NLGN1: variants seen among roughly 807,000 people sequenced by gnomAD.
The protein encoded by NLGN1 is neuroligin 1, also known as neuroligin-1.
A neutral mutation model predicts 65.5 loss-of-function variants in NLGN1; 12 were observed. The ratio of observed to expected loss-of-function variants is 0.18; its 90% CI spans 0.12 to 0.30. The LOEUF (loss-of-function observed/expected upper bound fraction) is 0.30. Among genes scored for constraint, NLGN1 ranks in the 10% least tolerant of loss-of-function variants. The pLI is 1.00. For missense variants in NLGN1, 750 were observed against 1,007.1 expected (o/e 0.74, Z 3.46); for synonymous variants, 350 against 359.5 (o/e 0.97, Z 0.30).
chr3:173,818,998 C>A (rs1032423191), intron 4 of NLGN1, among the ~76,000 whole-genome samples: 3 of 140,062 alleles, frequency 2.1e-5, no homozygotes, highest in African/African-American at 8.0e-5. Context: ...TACTGATTTG[C>A]CTTTAAAATA....
intron 2 of NLGN1, among the ~76,000 whole-genome samples, chr3:173,443,938 C>A (rs1010822807): frequency 3.9e-4 from 59 of 152,110 alleles, no homozygotes; most frequent in Non-Finnish European, 3.7e-4. Flanking sequence ...AACATGCATT[C>A]TTGGATAATA....
intron 4 of NLGN1, among the ~76,000 whole-genome samples, chr3:173,864,433 G>A (rs1015933580): frequency 6.6e-6 from 1 of 152,040 alleles, no homozygotes; most frequent in African/African-American, 2.4e-5. Flanking sequence ...TTTATCATAA[G>A]ACAATTTTTA....
chr3:174,246,744 T>A (rs1323933247), intron 4 of NLGN1, among the ~76,000 whole-genome samples: 1 of 25,438 alleles, frequency 3.9e-5, no homozygotes, highest in Non-Finnish European at 7.3e-5. Flanking sequence ...AATAAAGCTA[T>A]TTTTTTTTTT....
chr3:174,189,732 C>T (rs1478707117), intron 4 of NLGN1, among the ~76,000 whole-genome samples: 1 of 150,932 alleles, frequency 6.6e-6, no homozygotes, highest in Non-Finnish European at 1.5e-5. Flanking sequence ...CTCTATATCC[C>T]TAATGTAATA....
intron 4 of NLGN1, among the ~76,000 whole-genome samples, chr3:173,936,227 A>G (rs976280376): frequency 6.6e-6 from 1 of 151,888 alleles, no homozygotes; most frequent in South Asian, 2.1e-4. Context: ...TAGTTTATAA[A>G]TTCAGTCTCT....
chr3:174,186,530 C>T (rs1314995131), intron 4 of NLGN1, among the ~76,000 whole-genome samples: 2 of 151,992 alleles, frequency 1.3e-5, no homozygotes, highest in Non-Finnish European at 2.9e-5. Context: ...CATTCTGATA[C>T]ATCAGAGTCT....
chr3:173,720,587 A>G lies in NLGN1; in HGVS notation c.494-87093A>G, dbSNP rs572594587. 7.9e-5 allele frequency among the ~76,000 whole-genome samples: 12 copies of G among 152,360 alleles called. No homozygotes were observed. In the South Asian group the frequency reaches 2.5e-3, roughly 32 times the overall value. On this transcript the variant is annotated intron_variant, in intron 3 of 6. Coordinates refer to ENST00000457714, the Ensembl canonical transcript of NLGN1. ...CTCTAGAAACAACATATCTTTCATT[A>G]TACCATACCTTATTAGTAAGTGAAT... is the stretch of plus-strand genomic sequence containing the variant.
chr3:174,209,626 T>TC (rs1381494110), intron 4 of NLGN1, among the ~76,000 whole-genome samples: 3 of 130,080 alleles, frequency 2.3e-5, no homozygotes, highest in Admixed American at 7.5e-5. Flanking sequence ...TTTCTTTCTT[T>TC]TTTTTTTTTT....
intron 2 of NLGN1, among the ~76,000 whole-genome samples, chr3:173,443,976 G>A (rs994554108): frequency 1.3e-5 from 2 of 151,998 alleles, no homozygotes; most frequent in African/African-American, 2.4e-5. Context: ...TCGATACTTC[G>A]GTATTAATTT....
At chr3:173,892,021 C>T (rs1008879924) in intron 4 of NLGN1, among the ~76,000 whole-genome samples, 18 of 152,148 alleles carry the variant, frequency 1.2e-4, no homozygotes, top group African/African-American at 3.9e-4. Context: ...ATAACAATCA[C>T]CTGAATTACT....
rs544990569 is a variant in NLGN1, at chr3:173,427,308, C to T, written c.-389-7702C>T. On this transcript the variant is annotated intron_variant, in intron 1 of 6. Transcript: ENST00000457714. ...TCTATTTTCTTTTTCATCTCAATTTCATTTACTTTTGCTCTGATTGTTAGT... is the reference window on the plus strand; with the variant it reads ...TCTATTTTCTTTTTCATCTCAATTTTATTTACTTTTGCTCTGATTGTTAGT... Among the ~76,000 whole-genome samples the T allele has an allele frequency of 2.6e-5, 4 of 151,896 alleles. No individual in the cohort carries two copies. In the East Asian group the frequency reaches 7.7e-4, roughly 29 times the overall value.
intron 2 of NLGN1, among the ~76,000 whole-genome samples, chr3:173,601,886 G>A (rs1453508528): frequency 6.6e-6 from 1 of 151,994 alleles, no homozygotes; most frequent in African/African-American, 2.4e-5. Flanking sequence ...CTATGAAACT[G>A]TCAGAATATT....
intron 4 of NLGN1, among the ~76,000 whole-genome samples, chr3:174,049,195 G>A (rs770190083): frequency 6.6e-6 from 1 of 152,106 alleles, no homozygotes; most frequent in Non-Finnish European, 1.5e-5. Context: ...AAAACAGCTA[G>A]TAACTATGTT....
At chr3:173,643,771 G>T (rs974274084) in intron 3 of NLGN1, among the ~76,000 whole-genome samples, 3 of 152,172 alleles carry the variant, frequency 2.0e-5, no homozygotes, top group Admixed American at 1.3e-4. Context: ...ATAGAGTCTG[G>T]TTATGCTGCC....
chr3:174,221,003 G>A (rs890693037), intron 4 of NLGN1, among the ~76,000 whole-genome samples: 1 of 152,152 alleles, frequency 6.6e-6, no homozygotes, highest in Non-Finnish European at 1.5e-5. Context: ...AAAGCCCTAA[G>A]GGTTGAAGAA....
At chr3:174,245,538 C>T (rs1191032641) in intron 4 of NLGN1, among the ~76,000 whole-genome samples, 1 of 152,004 alleles carries the variant, frequency 6.6e-6, no homozygotes, top group Non-Finnish European at 1.5e-5. Flanking sequence ...TGTTGGTTTT[C>T]ACCTGGAATT....
intron 3 of NLGN1, among the ~76,000 whole-genome samples, chr3:173,715,622 T>C (rs1440363078): frequency 2.0e-5 from 3 of 152,152 alleles, no homozygotes; most frequent in Non-Finnish European, 2.9e-5. Flanking sequence ...CTCTTCATTT[T>C]CTGTCCATTG....
At chr3:174,076,532 A>G (rs1233388923) in intron 4 of NLGN1, among the ~76,000 whole-genome samples, 1 of 152,268 alleles carries the variant, frequency 6.6e-6, no homozygotes, top group Middle Eastern at 3.4e-3. Flanking sequence ...CAAAGGTTTC[A>G]TCTAAACTGG....
chr3:174,095,615 A>G (rs1264520871), intron 4 of NLGN1, among the ~76,000 whole-genome samples: 2 of 151,344 alleles, frequency 1.3e-5, no homozygotes, highest in African/African-American at 4.9e-5. Flanking sequence ...ACACATGTAT[A>G]AACTGTGTGT....
Sources: gnomAD v4.1 joint callset for allele counts (sites outside exome capture counted in the v4.1 genomes callset) on GRCh38, gnomAD v4.1.1 for gene constraint, MANE v1.5 for transcripts, NCBI Gene and HGNC (gene_info 2026-07-23, HGNC 2026-07-21) for gene names.